AGPAT4: variants seen among roughly 807,000 people sequenced by gnomAD.
AGPAT4 encodes the protein 1-acylglycerol-3-phosphate O-acyltransferase 4.
AGPAT4 carries 15 observed loss-of-function variants against 48.0 expected under a neutral mutation model. The ratio of observed to expected loss-of-function variants is 0.31; its 90% CI spans 0.21 to 0.48. AGPAT4 has a LOEUF of 0.48. AGPAT4 is among the 20% of genes least tolerant of loss of function. AGPAT4 has a pLI of 0.99. For missense variants in AGPAT4, 314 were observed against 482.5 expected (o/e 0.65, Z 3.27); for synonymous variants, 178 against 198.7 (o/e 0.90, Z 0.88).
chr6:161,170,525 A>T (rs1321077098), intron 2 of AGPAT4, among the ~76,000 whole-genome samples: 1 of 151,806 alleles, frequency 6.6e-6, no homozygotes, highest in East Asian at 1.9e-4. Flanking sequence ...ATACTCAAAA[A>T]GCTTTGCCTT....
Position 161,187,566 on chromosome 6 carries a change from G to T in AGPAT4, c.179-21149C>A, listed in dbSNP as rs189427953. Among the ~76,000 whole-genome samples, 253 of 151,582 alleles carry T rather than the reference G, an allele frequency of 1.7e-3. 2 individuals carry two copies. In the Middle Eastern group the frequency reaches 0.031, roughly 18 times the overall value. On this transcript the variant is annotated intron_variant, in intron 2 of 8. Coordinates refer to ENST00000320285, the MANE Select transcript of AGPAT4 (RefSeq NM_020133.3). ...ATTTATTTATTTAGAGACAGGGAGG[G>T]TCTCACTGTCTCGCTCAGGCTGGAT...
rs1782632725 is a variant in AGPAT4 at position 161,245,844 on chromosome 6, T to G, written c.-89-13542A>C. Among the ~76,000 whole-genome samples the G allele has an allele frequency of 6.6e-6, 1 of 152,194 alleles. No homozygotes were observed. Among genetic ancestry groups the G allele is most frequent in the Admixed American group, 6.5e-5 (1 of 15,284 alleles). On this transcript the variant is annotated intron_variant, in intron 1 of 8. Transcript: ENST00000320285. The surrounding 1 kb of genome is among the most constrained non-coding windows in gnomAD (Gnocchi z 5.2). ...TTTGATTTTCATAAAGGATGCCAAA[T>G]GAACCCAGGCAACTTCCCCAGTTTG...
chr6:161,171,585 G>A lies in AGPAT4; in HGVS notation c.179-5168C>T, dbSNP rs1190105972. Among the ~76,000 whole-genome samples, 1 of 152,154 alleles carries A rather than the reference G, an allele frequency of 6.6e-6. No homozygotes were observed. Among genetic ancestry groups the A allele is most frequent in the Non-Finnish European group, 1.5e-5 (1 of 68,038 alleles). On this transcript the variant is annotated intron_variant, in intron 2 of 8. Coordinates refer to ENST00000320285, the MANE Select transcript of AGPAT4 (RefSeq NM_020133.3). This position sits in a 1 kb window ranked among gnomAD's most constrained non-coding sequence, Gnocchi z 4.4. ...CTTAAAGGCCCCACATCTCAACACTGTTGCATTGGGAATTAAATTTCCAGC... is the reference window on the plus strand; with the variant it reads ...CTTAAAGGCCCCACATCTCAACACTATTGCATTGGGAATTAAATTTCCAGC...
rs1363894925 is a variant in AGPAT4 at position 161,259,755 on chromosome 6, CT to C, written c.-90+14182del. On this transcript the variant is annotated intron_variant, in intron 1 of 8. Coordinates refer to ENST00000320285, the MANE Select transcript of AGPAT4 (RefSeq NM_020133.3). The surrounding 1 kb of genome is among the most constrained non-coding windows in gnomAD (Gnocchi z 4.9). ...CTTGAGCTTACCAACAGGGCAACTC[CT>C]CAAATGTGACCAAGGAAGAGAGTTA... 6.6e-6 allele frequency among the ~76,000 whole-genome samples: 1 copy of C among 152,106 alleles called. No homozygotes were observed. Among genetic ancestry groups the C allele is most frequent in the African/African-American group, 2.4e-5 (1 of 41,428 alleles).
At chr6:161,153,025 G>A (rs553113156) in intron 5 of AGPAT4, among the ~76,000 whole-genome samples, 1 of 152,308 alleles carries the variant, frequency 6.6e-6, no homozygotes, top group East Asian at 1.9e-4. Context: ...ACCCAACTGT[G>A]CTGTCTTGGG....
intron 1 of AGPAT4, among the ~76,000 whole-genome samples, chr6:161,268,261 C>A (rs1783320891): frequency 6.6e-6 from 1 of 152,222 alleles, no homozygotes; most frequent in African/African-American, 2.4e-5. Context: ...CAGCCAGTCA[C>A]CTCAGTGTCT....
chr6:161,172,463 TC>T (rs1780292181), intron 2 of AGPAT4, among the ~76,000 whole-genome samples: 1 of 151,948 alleles, frequency 6.6e-6, no homozygotes, highest in Admixed American at 6.6e-5. Flanking sequence ...CTACAGGGAA[TC>T]CCAGAGAGCC....
At chr6:161,241,690 T>C (rs1448545535) in intron 1 of AGPAT4, among the ~76,000 whole-genome samples, 28 of 152,236 alleles carry the variant, frequency 1.8e-4, no homozygotes, top group Non-Finnish European at 1.5e-5. Flanking sequence ...AAGTGTTCTC[T>C]AAGGCTTTCC....
At chr6:161,205,761 T>TAATAATAATAATAATAATAAC (rs71004032) in intron 2 of AGPAT4, among the ~76,000 whole-genome samples, 56 of 149,120 alleles carry the variant, frequency 3.8e-4, no homozygotes, top group African/African-American at 1.3e-3. Context: ...ATAATAATAA[T>TAATAATAATAATAATAATAAC]AACAACAAAC....
chr6:161,245,009 T>A lies in AGPAT4; in HGVS notation c.-89-12707A>T, dbSNP rs188088946. ...GTGGGCATGAGAACTCTCCTGCAAA[T>A]GCTAACTTAATTTCGCACACATGCC... is the stretch of plus-strand genomic sequence containing the variant. On this transcript the variant is annotated intron_variant, in intron 1 of 8. Coordinates refer to ENST00000320285, the MANE Select transcript of AGPAT4 (RefSeq NM_020133.3). This position sits in a 1 kb window ranked among gnomAD's most constrained non-coding sequence, Gnocchi z 5.2. Among the ~76,000 whole-genome samples, 5 of 152,336 alleles carry A rather than the reference T, an allele frequency of 3.3e-5. No homozygotes were observed. In the East Asian group the frequency reaches 5.8e-4, roughly 18 times the overall value.
rs1339045149 is a variant in AGPAT4 at position 161,243,879 on chromosome 6, C to T, written c.-89-11577G>A. ...CCAGGGTGACCCTGAGCTGAAGTGA[C>T]TCCTAAGATCCTCAAAGCCCACTCA... is the stretch of plus-strand genomic sequence containing the variant. On this transcript the variant is annotated intron_variant, in intron 1 of 8. Coordinates refer to ENST00000320285, the MANE Select transcript of AGPAT4 (RefSeq NM_020133.3). The surrounding 1 kb of genome is among the most constrained non-coding windows in gnomAD (Gnocchi z 4.8). 1.3e-5 allele frequency among the ~76,000 whole-genome samples: 2 copies of T among 152,198 alleles called. No individual in the cohort carries two copies. The highest frequency in any genetic ancestry group is 2.9e-5 in the Non-Finnish European group (2 of 68,038).
rs2114982669 is a variant in AGPAT4 at position 161,169,819 on chromosome 6, A to G, written c.179-3402T>C. On this transcript the variant is annotated intron_variant, in intron 2 of 8. Coordinates refer to ENST00000320285, the MANE Select transcript of AGPAT4 (RefSeq NM_020133.3). This position sits in a 1 kb window ranked among gnomAD's most constrained non-coding sequence, Gnocchi z 5.0. ...TTTCCCAAACTTCCCTTTCTTGTAT[A>G]TTTCTGGTTAGAGGGCACCACAAGA... Among the ~76,000 whole-genome samples, 1 of 152,216 alleles carries G rather than the reference A, an allele frequency of 6.6e-6. No individual in the cohort carries two copies. Among genetic ancestry groups the G allele is most frequent in the African/African-American group, 2.4e-5 (1 of 41,522 alleles).
intron 3 of AGPAT4, among the ~76,000 whole-genome samples, chr6:161,157,885 C>G (rs929214830): frequency 6.6e-6 from 1 of 152,124 alleles, no homozygotes; most frequent in African/African-American, 2.4e-5. Flanking sequence ...CTCAAGACAC[C>G]CAATCCTTCT....
At chr6:161,185,013 CA>C in intron 2 of AGPAT4, among the ~76,000 whole-genome samples, 1 of 151,736 alleles carries the variant, frequency 6.6e-6, no homozygotes, top group East Asian at 1.9e-4. Flanking sequence ...GGGCTTTTCA[CA>C]AATTAAGGAA....
At chr6:161,167,821 A>C (rs1177608830) in intron 2 of AGPAT4, among the ~76,000 whole-genome samples, 1 of 152,204 alleles carries the variant, frequency 6.6e-6, no homozygotes, top group African/African-American at 2.4e-5. Flanking sequence ...TCATCTTTGG[A>C]ATGGGGTTGC....
rs1475593931 is a variant in AGPAT4 at position 161,140,228 on chromosome 6, G to A, written c.844-608C>T. Among the ~76,000 whole-genome samples, 2 of 152,218 alleles carry A rather than the reference G, an allele frequency of 1.3e-5. No homozygotes were observed. Among genetic ancestry groups the A allele is most frequent in the African/African-American group, 4.8e-5 (2 of 41,446 alleles). On this transcript the variant is annotated intron_variant, in intron 7 of 8. Coordinates refer to ENST00000320285, the MANE Select transcript of AGPAT4 (RefSeq NM_020133.3). The surrounding 1 kb of genome is among the most constrained non-coding windows in gnomAD (Gnocchi z 6.5). The stretch of plus-strand genomic sequence containing the variant: ...CATCATGAATGACAAAGGGCTGGAG[G>A]GCTGCTGGGTGTGGCTCTCAGAGGT...
At position 161,235,131 on chromosome 6, in the gene AGPAT4, C is replaced by T. The variant is rs1782238948; in HGVS notation, c.-89-2829G>A. On this transcript the variant is annotated intron_variant, in intron 1 of 8. Transcript: ENST00000320285. The surrounding 1 kb of genome is among the most constrained non-coding windows in gnomAD (Gnocchi z 6.2). ...ATGTGGGCTTGAGAGTTCAACTGCC[C>T]AAGTTTGCAGCTCTGCCCTGTCTCT... 6.6e-6 allele frequency among the ~76,000 whole-genome samples: 1 copy of T among 152,068 alleles called. No individual in the cohort carries two copies. Among genetic ancestry groups the T allele is most frequent in the Non-Finnish European group, 1.5e-5 (1 of 68,038 alleles).
chr6:161,150,908 C>G (rs1779572893), intron 5 of AGPAT4, among the ~76,000 whole-genome samples: 2 of 152,196 alleles, frequency 1.3e-5, no homozygotes, highest in African/African-American at 4.8e-5. Context: ...GTTTTGACAC[C>G]TCCTTTCCTC....
Position 161,132,038 on chromosome 6 carries a change from A to T in AGPAT4, c.*4502T>A, listed in dbSNP as rs760581678. ...GCTAATGCCTAGGGAGGCATCAGGC[A>T]CTGTGCTGGCTTGGGGGATCCTGTG... On this transcript the variant is annotated 3_prime_UTR_variant, in exon 9 of 9. Transcript: ENST00000320285. 4.6e-5 allele frequency: 7 copies of T among 152,320 alleles called. No individual in the cohort carries two copies. The highest frequency in any genetic ancestry group is 8.8e-5 in the Non-Finnish European group (6 of 68,092). The allele number at this position is 152,320 out of a possible 1,614,324, so 9.4% of individuals were successfully genotyped here. A position where few individuals can be genotyped will look rare whatever the true frequency, so the allele number is the denominator to read the frequency against.
Sources: allele counts gnomAD v4.1 joint callset (sites outside exome capture counted in the v4.1 genomes callset), GRCh38; gene constraint gnomAD v4.1.1; non-coding constraint Gnocchi (gnomAD v3.1); transcripts MANE v1.5; gene names NCBI Gene and HGNC (gene_info 2026-07-23, HGNC 2026-07-21).